TANC2: variants seen among roughly 807,000 people sequenced by gnomAD.
TANC2 encodes tetratricopeptide repeat, ankyrin repeat and coiled-coil containing 2.
Under a neutral mutation model 210.5 loss-of-function variants are expected in TANC2, and 26 were observed. That is an observed-to-expected ratio of 0.12 (90% CI 0.09 to 0.17). The LOEUF is 0.17. Among genes scored for constraint, TANC2 ranks in the 10% least tolerant of loss-of-function variants. The pLI is 1.00. For synonymous variants in TANC2, 931 were observed against 967.1 expected, an observed-to-expected ratio of 0.96 and a Z score of 0.69; for missense variants, 2,129 against 2,608.9, an observed-to-expected ratio of 0.82 and a Z score of 4.01.
At chr17:63,012,042 G>T (rs2033899125) in intron 2 of TANC2, among the ~76,000 whole-genome samples, 1 of 146,600 alleles carries the variant, frequency 6.8e-6, no homozygotes, top group African/African-American at 2.5e-5. Flanking sequence ...TTTGAGACAG[G>T]ATCTCACTCT....
intron 5 of TANC2, among the ~76,000 whole-genome samples, chr17:63,162,543 A>T (rs968994234): frequency 1.3e-5 from 2 of 152,182 alleles, no homozygotes; most frequent in African/African-American, 4.8e-5. Flanking sequence ...TGCAGAAGAA[A>T]GATAGGAAAT....
Position 63,319,094 on chromosome 17 carries a change from C to A in TANC2, c.1575+4C>A. On this transcript the variant is annotated splice_donor_region_variant and intron_variant, in intron 11 of 27. Coordinates refer to ENST00000689528, the Ensembl canonical transcript of TANC2. Reference sequence around the variant, plus strand: ...TATGCGAAGACTAGCCTCGCAGGTACAATATGATTCCCACGTTGGGGATAT... The same window carrying A: ...TATGCGAAGACTAGCCTCGCAGGTAAAATATGATTCCCACGTTGGGGATAT... The A allele has an allele frequency of 6.2e-7, 1 of 1,609,928 alleles. No homozygotes were observed. Among genetic ancestry groups the A allele is most frequent in the Non-Finnish European group, 8.5e-7 (1 of 1,177,970 alleles).
Position 63,028,567 on chromosome 17 carries a change from C to T in TANC2, c.67+18941C>T, listed in dbSNP as rs118064678. On this transcript the variant is annotated intron_variant, in intron 2 of 27. Coordinates refer to ENST00000689528, the Ensembl canonical transcript of TANC2. ...AAGGTTGGTTGGTTCAGATTTGCCT[C>T]AACTCCCCATCTCGGGTGATAAGAA... is the stretch of plus-strand genomic sequence containing the variant. Among the ~76,000 whole-genome samples the T allele has an allele frequency of 4.2e-3, 640 of 152,228 alleles. 1 individual carries two copies. The highest frequency in any genetic ancestry group is 7.4e-3 in the Non-Finnish European group (505 of 67,998).
intron 22 of TANC2, 44 bp downstream of exon 22, chr17:63,411,730 T>A (rs1369028771): frequency 6.4e-7 from 1 of 1,568,142 alleles, no homozygotes; most frequent in East Asian, 2.2e-5. Context: ...AGAGAGGGGC[T>A]ATTCTCCATC....
chr17:63,261,410 G>A (rs765819571), intron 8 of TANC2, among the ~76,000 whole-genome samples: 1 of 152,016 alleles, frequency 6.6e-6, no homozygotes, highest in Non-Finnish European at 1.5e-5. Flanking sequence ...TGGAAGAAAG[G>A]CCTCACAAAG....
chr17:63,280,507 T>A (rs2044028734), intron 9 of TANC2, among the ~76,000 whole-genome samples: 1 of 152,102 alleles, frequency 6.6e-6, no homozygotes, highest in Non-Finnish European at 1.5e-5. Flanking sequence ...CCCTCCTCTT[T>A]TTAAAAGAGT....
At chr17:63,081,393 AAAGT>A (rs2036764718) in intron 3 of TANC2, among the ~76,000 whole-genome samples, 1 of 152,220 alleles carries the variant, frequency 6.6e-6, no homozygotes, top group Non-Finnish European at 1.5e-5. Context: ...CCACTCTCCT[AAAGT>A]AACAAATACC....
Position 63,232,712 on chromosome 17 carries a change from G to A in TANC2, c.770-5102G>A, listed in dbSNP as rs551018605. Among the ~76,000 whole-genome samples, 6 of 152,322 alleles carry A rather than the reference G, an allele frequency of 3.9e-5. No homozygotes were observed. In the South Asian group the frequency reaches 1.2e-3, roughly 32 times the overall value. On this transcript the variant is annotated intron_variant, in intron 7 of 27. Coordinates refer to ENST00000689528, the Ensembl canonical transcript of TANC2. ...TAAGGTGTCTGGCGACCCCTGTTGG[G>A]GGTTCTCACCCAGTCAGGAGGCAGG...
chr17:63,107,255 GTGT>G (rs1242429911), intron 4 of TANC2, among the ~76,000 whole-genome samples: 2 of 151,614 alleles, frequency 1.3e-5, no homozygotes, highest in Non-Finnish European at 2.9e-5. Flanking sequence ...TTTCCAGGGA[GTGT>G]TATTTATAAT....
At chr17:63,330,707 C>T (rs1298782014) in intron 11 of TANC2, among the ~76,000 whole-genome samples, 1 of 152,186 alleles carries the variant, frequency 6.6e-6, no homozygotes, top group Non-Finnish European at 1.5e-5. Context: ...ATTTTACTCA[C>T]ATAATTTATA....
intron 1 of TANC2, among the ~76,000 whole-genome samples, chr17:62,981,675 G>A (rs999552136): frequency 3.3e-5 from 5 of 152,262 alleles, no homozygotes; most frequent in African/African-American, 1.2e-4. Context: ...TCCTCCGTAA[G>A]ACTACTCTTC....
At chr17:63,325,056 T>A (rs1316154624) in intron 11 of TANC2, among the ~76,000 whole-genome samples, 7 of 108,496 alleles carry the variant, frequency 6.5e-5, no homozygotes, top group Non-Finnish European at 1.8e-5. Context: ...CATAATTCTT[T>A]GTGTGGGGTG....
At chr17:63,192,764 G>A (rs981683547) in intron 5 of TANC2, among the ~76,000 whole-genome samples, 3 of 152,202 alleles carry the variant, frequency 2.0e-5, no homozygotes, top group Non-Finnish European at 2.9e-5. Context: ...GCTAATATAT[G>A]TAAAGTGTTT....
At chr17:62,991,361 G>A (rs933452986) in intron 1 of TANC2, among the ~76,000 whole-genome samples, 5 of 151,850 alleles carry the variant, frequency 3.3e-5, no homozygotes, top group Non-Finnish European at 5.9e-5. Context: ...TAGATAGGCC[G>A]GGCAGGGTGG....
chr17:63,041,218 C>T (rs2035173493), intron 2 of TANC2, among the ~76,000 whole-genome samples: 1 of 152,110 alleles, frequency 6.6e-6, no homozygotes, highest in Non-Finnish European at 1.5e-5. Flanking sequence ...CTCATTTGTA[C>T]TATATTTCTT....
intron 7 of TANC2, among the ~76,000 whole-genome samples, chr17:63,224,901 G>C (rs1211511870): frequency 2.0e-5 from 3 of 152,096 alleles, no homozygotes; most frequent in Non-Finnish European, 4.4e-5. Flanking sequence ...ATCATCTCAG[G>C]CTGATTTCCT....
chr17:63,093,744 A>G (rs2037287496), intron 3 of TANC2, among the ~76,000 whole-genome samples: 1 of 152,176 alleles, frequency 6.6e-6, no homozygotes, highest in East Asian at 1.9e-4. Flanking sequence ...TCAGATCCAT[A>G]AACATGGTAC....
chr17:63,069,483 A>G (rs982636072), intron 2 of TANC2, among the ~76,000 whole-genome samples: 3 of 152,282 alleles, frequency 2.0e-5, no homozygotes, highest in Admixed American at 6.5e-5. Flanking sequence ...TGAACCTCAC[A>G]ACAGCCTTCA....
intron 7 of TANC2, among the ~76,000 whole-genome samples, chr17:63,213,123 A>G (rs2041932900): frequency 6.6e-6 from 1 of 152,078 alleles, no homozygotes; most frequent in South Asian, 2.1e-4. Context: ...ACCCATTACT[A>G]CCCTCTCAGA....
Sources: allele counts gnomAD v4.1 joint callset (sites outside exome capture counted in the v4.1 genomes callset), GRCh38; gene constraint gnomAD v4.1.1; transcripts MANE v1.5; gene names NCBI Gene and HGNC (gene_info 2026-07-23, HGNC 2026-07-21).